The following GOLGA7B variants were observed in gnomAD, a reference collection of about 807,000 sequenced individuals.
GOLGA7B encodes golgin A7 family member B, also known as golgin subfamily A member 7B.
In GOLGA7B, 17 loss-of-function variants were observed where a neutral mutation model predicts 21.5. That is an observed-to-expected ratio of 0.79 (90% CI 0.54 to 1.19). The LOEUF is 1.19. Among genes scored for constraint, GOLGA7B ranks in the 50% most tolerant of loss-of-function variants. The probability of loss-of-function intolerance (pLI) is 0.00; values close to 1 mark genes in which losing one functional copy is unlikely to be tolerated. For synonymous variants in GOLGA7B, 87 were observed against 84.0 expected, an observed-to-expected ratio of 1.04 and a Z score of -0.19; for missense variants, 169 against 224.4, an observed-to-expected ratio of 0.75 and a Z score of 1.58.
Position 97,869,601 on chromosome 10 carries a change from AGGGTTTACAGAAG to A in GOLGA7B, c.*3902_*3914del, listed in dbSNP as rs2050069038. ...ACAGGGCGGGTGTGTGTGAAACCAC[AGGGTTTACAGAAG>A]CTCGAGGTGCCACTGAGTGGCAGGA... On this transcript the variant is annotated 3_prime_UTR_variant, in exon 5 of 5. Coordinates refer to ENST00000370602, the MANE Select transcript of GOLGA7B (RefSeq NM_001010917.3). 1 of 152,350 alleles carries A rather than the reference AGGGTTTACAGAAG, an allele frequency of 6.6e-6. No homozygotes were observed. The highest frequency in any genetic ancestry group is 1.5e-5 in the Non-Finnish European group (1 of 68,128). The allele number at this position is 152,350 out of a possible 1,614,324, so 9.4% of individuals were successfully genotyped here. A position where few individuals can be genotyped will look rare whatever the true frequency, so the allele number is the denominator to read the frequency against.
In GOLGA7B at chr10:97,864,079, G is replaced by A. The variant is rs1347496782; in HGVS notation, c.288G>A (p.Glu96=). 1 of 1,614,002 alleles carries A rather than the reference G, an allele frequency of 6.2e-7. No homozygotes were observed. The highest frequency in any genetic ancestry group is 1.7e-5 in the Admixed American group (1 of 60,028). ...FIFLCMETHY[E]KVLKKISRYI... ...TCCTCTGCATGGAGACCCACTATGA[G>A]AAGGTGGCCCCTCCCGCCCCACCGT... The change falls in exon 3 of 5, where the codon GAG becomes GAA. Residue 96 remains glutamate (E), a synonymous_variant. Coordinates refer to ENST00000370602, the MANE Select transcript of GOLGA7B (RefSeq NM_001010917.3).
chr10:97,850,213 C>G lies in GOLGA7B; in HGVS notation c.-91C>G. The G allele has an allele frequency of 1.0e-6, 1 of 964,762 alleles. No individual in the cohort carries two copies. Among genetic ancestry groups the G allele is most frequent in the Middle Eastern group, 3.5e-4 (1 of 2,880 alleles). 59.8% of individuals were successfully genotyped at this position (964,762 alleles called of 1,614,324 possible). On this transcript the variant is annotated 5_prime_UTR_variant, in exon 1 of 5. Coordinates refer to ENST00000370602, the MANE Select transcript of GOLGA7B (RefSeq NM_001010917.3). ...GACAGCGCCCCGGGCCCCAGCTCGC[C>G]GCCACCGCCGCCGCCCACCTGCTCC... is the stretch of plus-strand genomic sequence containing the variant.
At position 97,855,921 on chromosome 10, in the gene GOLGA7B, G is replaced by A. The variant is rs377761453; in HGVS notation, c.13-3537G>A. ...TCACAATACTTTGAGATCACATTTC[G>A]TACATACAGCAAGGTCCACCTGGAT... On this transcript the variant is annotated intron_variant, in intron 1 of 4. Coordinates refer to ENST00000370602, the MANE Select transcript of GOLGA7B (RefSeq NM_001010917.3). Among the ~76,000 whole-genome samples the A allele has an allele frequency of 5.9e-5, 9 of 152,082 alleles. No homozygotes were observed. The East Asian group carries it at 7.7e-4, about 13-fold the overall frequency.
At chr10:97,860,541 C>T (rs1000671278) in intron 2 of GOLGA7B, among the ~76,000 whole-genome samples, 10 of 152,010 alleles carry the variant, frequency 6.6e-5, no homozygotes, top group Admixed American at 3.3e-4. Context: ...TTAGTAGAGA[C>T]GGGGTTTTGC....
rs1237902014 is a variant in GOLGA7B, at chr10:97,868,665, G to A, written c.*2965G>A. 1 of 152,232 alleles carries A rather than the reference G, an allele frequency of 6.6e-6. No homozygotes were observed. The highest frequency in any genetic ancestry group is 1.5e-5 in the Non-Finnish European group (1 of 68,062). 9.4% of individuals were successfully genotyped at this position (152,232 alleles called of 1,614,324 possible). ...CACAAGTGAGCGTGTTCTCTAATATGAGGGCAGGTTCATTCTGTTTTGGGA... is the reference window on the plus strand; with the variant it reads ...CACAAGTGAGCGTGTTCTCTAATATAAGGGCAGGTTCATTCTGTTTTGGGA... On this transcript the variant is annotated 3_prime_UTR_variant, in exon 5 of 5. Transcript: ENST00000370602.
In GOLGA7B at chr10:97,850,246, A is replaced by G. The variant is rs534186661; in HGVS notation, c.-58A>G. On this transcript the variant is annotated 5_prime_UTR_variant, in exon 1 of 5. Transcript: ENST00000370602. ...CCGCCGCCCACCTGCTCCCGGGGTC[A>G]GCACCGCGGAGACCCCCCTCGCCCG... The G allele has an allele frequency of 1.8e-3, 2,509 of 1,360,572 alleles. 17 individuals carry two copies. Among genetic ancestry groups the G allele is most frequent in the South Asian group, 9.3e-3 (662 of 71,046 alleles). The allele number at this position is 1,360,572 out of a possible 1,614,324, so 84.3% of individuals were successfully genotyped here.
At chr10:97,851,910 G>A (rs780005536) in intron 1 of GOLGA7B, among the ~76,000 whole-genome samples, 4 of 152,218 alleles carry the variant, frequency 2.6e-5, no homozygotes, top group Non-Finnish European at 4.4e-5. Context: ...TGCTCATAAC[G>A]CCTCTGAAAA....
Position 97,868,124 on chromosome 10 carries a change from G to C in GOLGA7B, c.*2424G>C, listed in dbSNP as rs1413701461. 1.3e-5 allele frequency: 2 copies of C among 152,242 alleles called. No individual in the cohort carries two copies. Among genetic ancestry groups the C allele is most frequent in the Non-Finnish European group, 2.9e-5 (2 of 68,054 alleles). 9.4% of individuals were successfully genotyped at this position (152,242 alleles called of 1,614,324 possible). On this transcript the variant is annotated 3_prime_UTR_variant, in exon 5 of 5. Coordinates refer to ENST00000370602, the MANE Select transcript of GOLGA7B (RefSeq NM_001010917.3). ...CTGGATGATCACTTCTCGGCCTTTT[G>C]GCCAAGATCAAATATGGAGAAAGTA...
At chr10:97,856,188 G>A (rs2049934197) in intron 1 of GOLGA7B, among the ~76,000 whole-genome samples, 1 of 152,128 alleles carries the variant, frequency 6.6e-6, no homozygotes, top group Non-Finnish European at 1.5e-5. Context: ...CCCAAGTAGT[G>A]AACATTGTAC....
intron 1 of GOLGA7B, among the ~76,000 whole-genome samples, chr10:97,852,714 G>A (rs549868897): frequency 2.0e-5 from 3 of 151,966 alleles, no homozygotes; most frequent in African/African-American, 4.8e-5. Flanking sequence ...AAGGGGGTGG[G>A]GAGAGGGACA....
intron 1 of GOLGA7B, among the ~76,000 whole-genome samples, chr10:97,852,032 A>T (rs913607367): frequency 3.9e-5 from 6 of 152,232 alleles, no homozygotes; most frequent in African/African-American, 1.4e-4. Context: ...TTAACAGATG[A>T]GACAACTAAG....
In GOLGA7B at chr10:97,850,281, C is replaced by T. The variant is rs1210442262; in HGVS notation, c.-23C>T. On this transcript the variant is annotated 5_prime_UTR_variant, in exon 1 of 5. Transcript: ENST00000370602. ...AGACCCCCCTCGCCCGGCCCCGCGA[C>T]AGCCTCCGAGCGCCCCCGGATCATG... The T allele has an allele frequency of 2.7e-6, 4 of 1,484,862 alleles. No homozygotes were observed. Among genetic ancestry groups the T allele is most frequent in the East Asian group, 2.9e-5 (1 of 34,548 alleles). The allele number at this position is 1,484,862 out of a possible 1,614,324, so 92.0% of individuals were successfully genotyped here.
intron 1 of GOLGA7B, among the ~76,000 whole-genome samples, chr10:97,851,177 C>A (rs1052613496): frequency 6.6e-6 from 1 of 152,160 alleles, no homozygotes; most frequent in Non-Finnish European, 1.5e-5. Context: ...ATGTCAGCAG[C>A]AGAGCGGAAA....
intron 1 of GOLGA7B, among the ~76,000 whole-genome samples, chr10:97,853,703 A>T (rs2049918291): frequency 6.6e-6 from 1 of 152,160 alleles, no homozygotes. Context: ...ACCCCCTGGG[A>T]GACACCCAGG....
intron 4 of GOLGA7B, 151 bp from the exon 5 acceptor site, chr10:97,865,439 G>A: frequency 7.5e-7 from 1 of 1,339,744 alleles, no homozygotes; most frequent in Non-Finnish European, 1.0e-6. Flanking sequence ...TGGGCTTGGG[G>A]AGGGTCTAGC....
At chr10:97,856,999 G>A (rs560855657) in intron 1 of GOLGA7B, among the ~76,000 whole-genome samples, 2 of 151,794 alleles carry the variant, frequency 1.3e-5, no homozygotes, top group East Asian at 3.9e-4. Context: ...GGCATAATTT[G>A]CAAATATTTT....
At chr10:97,851,913 T>C (rs1278724914) in intron 1 of GOLGA7B, among the ~76,000 whole-genome samples, 1 of 152,234 alleles carries the variant, frequency 6.6e-6, no homozygotes. Flanking sequence ...TCATAACGCC[T>C]CTGAAAATAT....
At chr10:97,860,898 C>G (rs377271282) in intron 2 of GOLGA7B, among the ~76,000 whole-genome samples, 3 of 152,286 alleles carry the variant, frequency 2.0e-5, no homozygotes, top group East Asian at 3.9e-4. Context: ...CTATCCTCCC[C>G]CTTCCCAGAC....
In GOLGA7B at chr10:97,868,405, C is replaced by G. The variant is rs1005349790; in HGVS notation, c.*2705C>G. 6.6e-6 allele frequency: 1 copy of G among 152,258 alleles called. No individual in the cohort carries two copies. Among genetic ancestry groups the G allele is most frequent in the African/African-American group, 2.4e-5 (1 of 41,450 alleles). The allele number at this position is 152,258 out of a possible 1,614,324, so 9.4% of individuals were successfully genotyped here. A position where few individuals can be genotyped will look rare whatever the true frequency, so the allele number is the denominator to read the frequency against. On this transcript the variant is annotated 3_prime_UTR_variant, in exon 5 of 5. Coordinates refer to ENST00000370602, the MANE Select transcript of GOLGA7B (RefSeq NM_001010917.3). ...CCACTCTGTTACCACAGGGATGGCA[C>G]CCAGATGGGAAGCTGCCTGAGGCTG...
Sources: allele counts gnomAD v4.1 joint callset (sites outside exome capture counted in the v4.1 genomes callset), GRCh38; gene constraint gnomAD v4.1.1; transcripts MANE v1.5; gene names NCBI Gene and HGNC (gene_info 2026-07-23, HGNC 2026-07-21).